Variants in MYO3B observed in about 807,000 individuals in gnomAD.
The protein encoded by MYO3B is myosin-IIIb.
In MYO3B, 156 loss-of-function variants were observed where a neutral mutation model predicts 174.6. That is an observed-to-expected ratio of 0.89 (90% confidence interval 0.78 to 1.02). MYO3B has a LOEUF of 1.02. Among genes scored for constraint, MYO3B ranks in the 50% least tolerant of loss-of-function variants. MYO3B has a pLI of 0.00. For missense variants in MYO3B, 1,632 were observed against 1,639.4 expected, an observed-to-expected ratio of 1.00 and a Z score of 0.08; for synonymous variants, 563 against 569.1, an observed-to-expected ratio of 0.99 and a Z score of 0.15.
At chr2:170,566,521 G>A (rs549272326) in intron 32 of MYO3B, among the ~76,000 whole-genome samples, 3 of 152,266 alleles carry the variant, frequency 2.0e-5, no homozygotes, top group Admixed American at 6.5e-5. Context: ...GCTTACCCAG[G>A]TAACTAAATA....
rs80276112 is a variant in MYO3B at position 170,537,190 on chromosome 2, G to A, written c.3576-5716G>A. ...CGCTCCAGCCCGGGTGACAGTGCGA[G>A]ACTCTGTCTCAAAAAAAAAAAAAAA... On this transcript the variant is annotated intron_variant, in intron 30 of 34. Transcript: ENST00000408978. Among the ~76,000 whole-genome samples the A allele has an allele frequency of 8.8e-3, 1,130 of 128,906 alleles. 40 individuals are homozygous for A. The East Asian group carries it at 0.098, about 11-fold the overall frequency. The allele number at this position is 128,906 out of a possible 152,430, so 84.6% of individuals were successfully genotyped here. A position where few individuals can be genotyped will look rare whatever the true frequency, so the allele number is the denominator to read the frequency against.
At chr2:170,520,546 A>G (rs1400493611) in intron 30 of MYO3B, among the ~76,000 whole-genome samples, 3 of 152,154 alleles carry the variant, frequency 2.0e-5, no homozygotes, top group East Asian at 3.8e-4. Flanking sequence ...GGAGATATAT[A>G]TATTATCTCA....
intron 32 of MYO3B, among the ~76,000 whole-genome samples, chr2:170,624,314 C>T (rs562040263): frequency 1.2e-3 from 183 of 152,224 alleles, no homozygotes; most frequent in African/African-American, 4.2e-3. Context: ...CATTCCGAGG[C>T]ATTTTATTCT....
intron 6 of MYO3B, among the ~76,000 whole-genome samples, chr2:170,222,036 A>G (rs1386888442): frequency 6.6e-6 from 1 of 152,214 alleles, no homozygotes; most frequent in Non-Finnish European, 1.5e-5. Context: ...TTCTCGTATA[A>G]TAAGATCAGA....
chr2:170,489,668 TCTGG>T (rs1483457501), intron 25 of MYO3B, among the ~76,000 whole-genome samples: 4,273 of 145,422 alleles, frequency 0.029, 196 homozygotes, highest in African/African-American at 0.1. Context: ...TGTGTGTGTG[TCTGG>T]GTAAGTGTGG....
At chr2:170,414,697 TATTCC>T (rs2094567255) in intron 22 of MYO3B, among the ~76,000 whole-genome samples, 1 of 152,240 alleles carries the variant, frequency 6.6e-6, no homozygotes, top group East Asian at 1.9e-4. Flanking sequence ...CTATGTTGAA[TATTCC>T]ATTCCATGAA....
intron 8 of MYO3B, among the ~76,000 whole-genome samples, chr2:170,348,903 C>T (rs776086941): frequency 2.6e-5 from 4 of 152,158 alleles, no homozygotes; most frequent in Non-Finnish European, 5.9e-5. Context: ...CTTATAGGGG[C>T]CAAGTGTTTC....
At chr2:170,419,191 G>A (rs879726444) in intron 22 of MYO3B, among the ~76,000 whole-genome samples, 1 of 152,252 alleles carries the variant, frequency 6.6e-6, no homozygotes, top group African/African-American at 2.4e-5. Flanking sequence ...TCCCCAGCTA[G>A]TGCTAGAACC....
At chr2:170,303,845 A>G (rs1559372589) in intron 7 of MYO3B, among the ~76,000 whole-genome samples, 1 of 151,826 alleles carries the variant, frequency 6.6e-6, no homozygotes, top group South Asian at 2.1e-4. Context: ...ACTCATTTGT[A>G]ACTTTGATTT....
In MYO3B at chr2:170,262,498, G is replaced by A. The variant is rs112455280; in HGVS notation, c.749+26362G>A. Among the ~76,000 whole-genome samples, 692 of 152,262 alleles carry A rather than the reference G, an allele frequency of 4.5e-3. 6 individuals are homozygous for A. The highest frequency in any genetic ancestry group is 0.016 in the African/African-American group (670 of 41,548). On this transcript the variant is annotated intron_variant, in intron 7 of 34. Transcript: ENST00000408978. ...GGGGAAAATAGGAGGGAGGAGGCAA[G>A]GTGAAATGTGAGGAGCCTGTAACAA...
chr2:170,438,629 T>C (rs2094774677), intron 22 of MYO3B, among the ~76,000 whole-genome samples: 1 of 150,882 alleles, frequency 6.6e-6, no homozygotes, highest in African/African-American at 2.5e-5. Flanking sequence ...TTAATTGGGA[T>C]GAGGTAATAT....
intron 8 of MYO3B, 140 bp downstream of exon 8, chr2:170,335,590 A>G: frequency 1.6e-6 from 1 of 625,378 alleles, no homozygotes; most frequent in Non-Finnish European, 2.8e-6. Context: ...TGTTCTAGTA[A>G]ATGATAGAAG....
intron 7 of MYO3B, among the ~76,000 whole-genome samples, chr2:170,281,350 T>C (rs553524957): frequency 1.3e-5 from 2 of 152,288 alleles, no homozygotes; most frequent in East Asian, 3.9e-4. Flanking sequence ...TACTCTAATA[T>C]TGACCACATA....
intron 32 of MYO3B, among the ~76,000 whole-genome samples, chr2:170,589,497 C>T (rs1205926104): frequency 6.6e-6 from 1 of 151,936 alleles, no homozygotes; most frequent in Non-Finnish European, 1.5e-5. Context: ...TGATCCTGAT[C>T]TTGTGTAGGC....
intron 28 of MYO3B, among the ~76,000 whole-genome samples, chr2:170,512,738 A>G (rs554226637): frequency 6.6e-6 from 1 of 152,226 alleles, no homozygotes; most frequent in Admixed American, 6.5e-5. Flanking sequence ...AGGGGGAAAA[A>G]AAAGGAGAAT....
chr2:170,421,990 C>T (rs1266230896), intron 22 of MYO3B, among the ~76,000 whole-genome samples: 1 of 152,180 alleles, frequency 6.6e-6, no homozygotes, highest in African/African-American at 2.4e-5. Flanking sequence ...ATGAAGAACT[C>T]TGAACTGTAA....
intron 7 of MYO3B, among the ~76,000 whole-genome samples, chr2:170,296,717 A>T (rs1386034954): frequency 6.6e-6 from 1 of 152,178 alleles, no homozygotes; most frequent in Non-Finnish European, 1.5e-5. Flanking sequence ...ATTTATAAAG[A>T]AGAGAGGTTT....
At chr2:170,593,916 TATTGTAC>T (rs1043921495) in intron 32 of MYO3B, among the ~76,000 whole-genome samples, 17 of 152,190 alleles carry the variant, frequency 1.1e-4, no homozygotes, top group African/African-American at 4.1e-4. Flanking sequence ...GGCTCGCTGA[TATTGTAC>T]ATTCTGATAT....
At chr2:170,220,641 A>G (rs1195438801) in intron 6 of MYO3B, among the ~76,000 whole-genome samples, 1 of 151,762 alleles carries the variant, frequency 6.6e-6, no homozygotes, top group East Asian at 1.9e-4. Flanking sequence ...AAAAAAAAAA[A>G]AAAAAAAAAA....
Sources: gnomAD v4.1 joint callset for allele counts (sites outside exome capture counted in the v4.1 genomes callset) on GRCh38, gnomAD v4.1.1 for gene constraint, MANE v1.5 for transcripts, NCBI Gene and HGNC (gene_info 2026-07-23, HGNC 2026-07-21) for gene names.